The following CHN2 variants were observed in gnomAD, a reference collection of about 807,000 sequenced individuals.
The protein encoded by CHN2 is beta-chimaerin.
Under a neutral mutation model 56.3 loss-of-function variants are expected in CHN2, and 35 were observed. The observed-to-expected ratio is 0.62, with a 90% confidence interval of 0.47 to 0.82. CHN2 has a LOEUF of 0.82. Ranked by LOEUF, CHN2 falls within the 40% of genes least tolerant of loss-of-function variation. The pLI is 0.00. For synonymous variants in CHN2, 210 were observed against 212.8 expected (o/e 0.99, Z 0.12); for missense variants, 491 against 580.5 (o/e 0.85, Z 1.58).
At chr7:29,383,899 G>A (rs60275569) in intron 3 of CHN2, among the ~76,000 whole-genome samples, 9,891 of 152,270 alleles carry the variant, frequency 0.065, 770 homozygotes, top group African/African-American at 0.18. Flanking sequence ...GACCAGTAAA[G>A]AGACTACTTT....
At position 29,252,579 on chromosome 7, in the gene CHN2, T is replaced by TTTTTTTTTTTTGTTTTG. The variant is rs1788674732; in HGVS notation, c.49+57600_49+57601insGTTTTGTTTTTTTTTTT. Among the ~76,000 whole-genome samples, 15 of 10,288 alleles carry TTTTTTTTTTTTGTTTTG rather than the reference T, an allele frequency of 1.5e-3. 1 individual carries two copies. In the African/African-American group the frequency reaches 0.021, roughly 15 times the overall value. 6.7% of individuals were successfully genotyped at this position (10,288 alleles called of 152,430 possible). A position where few individuals can be genotyped will look rare whatever the true frequency, so the allele number is the denominator to read the frequency against. On this transcript the variant is annotated intron_variant, in intron 1 of 12. Transcript: ENST00000222792. ...TGTTTGTCTAAAATTGCATTCTTTG[T>TTTTTTTTTTTTGTTTTG]TTTTTTTTTTTTTTTTTTTTTTTTT...
chr7:29,503,659 C>T (rs1047118507), intron 9 of CHN2, among the ~76,000 whole-genome samples: 3 of 152,104 alleles, frequency 2.0e-5, no homozygotes, highest in African/African-American at 4.8e-5. Flanking sequence ...ATTTACGCCA[C>T]GTATTTGTTG....
chr7:29,349,682 A>AT (rs1191610101), intron 1 of CHN2, among the ~76,000 whole-genome samples: 2 of 152,200 alleles, frequency 1.3e-5, no homozygotes, highest in African/African-American at 4.8e-5. Context: ...AGGTTGACGC[A>AT]TTTTTTAAAG....
intron 1 of CHN2, among the ~76,000 whole-genome samples, chr7:29,338,164 G>A (rs1256025686): frequency 6.6e-6 from 1 of 152,152 alleles, no homozygotes; most frequent in African/African-American, 2.4e-5. Context: ...ATAAAATATG[G>A]TAGGTCAGTC....
Position 29,292,708 on chromosome 7 carries a change from A to G in CHN2, c.50-61917A>G, listed in dbSNP as rs116854903. 324 of 330,094 alleles carry G rather than the reference A, an allele frequency of 9.8e-4. 1 individual carries two copies. Among genetic ancestry groups the G allele is most frequent in the Admixed American group, 2.0e-3 (50 of 25,192 alleles). The allele number at this position is 330,094 out of a possible 1,614,324, so 20.4% of individuals were successfully genotyped here. On this transcript the variant is annotated intron_variant, in intron 1 of 12. Coordinates refer to ENST00000222792, the MANE Select transcript of CHN2 (RefSeq NM_004067.4). ...TATTGATTTTTGTTTCAATGCTGTA[A>G]TAACATCTCTTGGTTTTGTTGTATT...
At chr7:29,209,814 A>G (rs191445735) in intron 1 of CHN2, among the ~76,000 whole-genome samples, 29 of 152,324 alleles carry the variant, frequency 1.9e-4, no homozygotes, top group Non-Finnish European at 3.2e-4. Context: ...AGTGGAATAA[A>G]TGTATTGGTG....
At chr7:29,219,296 A>G (rs374837218) in intron 1 of CHN2, among the ~76,000 whole-genome samples, 1 of 152,374 alleles carries the variant, frequency 6.6e-6, no homozygotes, top group East Asian at 1.9e-4. Context: ...AAATAAGTCA[A>G]AGGTGTATTT....
chr7:29,458,201 G>C (rs1784904167), intron 6 of CHN2, among the ~76,000 whole-genome samples: 1 of 152,134 alleles, frequency 6.6e-6, no homozygotes, highest in African/African-American at 2.4e-5. Context: ...TGTGGTTAGG[G>C]AGATATGTTG....
intron 6 of CHN2, among the ~76,000 whole-genome samples, chr7:29,418,961 T>C (rs1463133892): frequency 6.6e-6 from 1 of 152,138 alleles, no homozygotes. Context: ...ATAAGAGGGA[T>C]TCTGATGAAC....
intron 1 of CHN2, among the ~76,000 whole-genome samples, chr7:29,273,002 A>G (rs555024572): frequency 6.6e-6 from 1 of 152,220 alleles, no homozygotes; most frequent in East Asian, 1.9e-4. Context: ...TCCCTAATAT[A>G]ATACAATTTT....
intron 2 of CHN2, among the ~76,000 whole-genome samples, chr7:29,187,062 A>G (rs1432533372): frequency 6.6e-6 from 1 of 152,210 alleles, no homozygotes; most frequent in African/African-American, 2.4e-5. Context: ...ATCCTGGCAC[A>G]TAGGAAATGA....
At chr7:29,507,160 T>TTTCCTTTC in intron 10 of CHN2, 68 bp from the exon 11 acceptor site, 2 of 1,439,834 alleles carry the variant, frequency 1.4e-6, no homozygotes, top group South Asian at 1.4e-5. Context: ...TTTTTTTTTT[T>TTTCCTTTC]TCCTTTCTGT....
chr7:29,268,282 G>GC (rs1262235144), intron 1 of CHN2, among the ~76,000 whole-genome samples: 2 of 24,752 alleles, frequency 8.1e-5, no homozygotes, highest in East Asian at 0.014. Flanking sequence ...GGCTTCACCA[G>GC]AACACACACA....
chr7:29,413,316 C>T (rs781066142), intron 6 of CHN2, among the ~76,000 whole-genome samples: 3 of 152,212 alleles, frequency 2.0e-5, no homozygotes, highest in Non-Finnish European at 4.4e-5. Flanking sequence ...TTGCAAGAGA[C>T]ACTTTAATAC....
At chr7:29,439,180 T>C (rs548066869) in intron 6 of CHN2, among the ~76,000 whole-genome samples, 1 of 152,298 alleles carries the variant, frequency 6.6e-6, no homozygotes, top group African/African-American at 2.4e-5. Flanking sequence ...AACTAAACAG[T>C]CTTGTGTCAT....
intron 6 of CHN2, among the ~76,000 whole-genome samples, chr7:29,425,346 G>A (rs1374224903): frequency 6.6e-5 from 10 of 152,328 alleles, no homozygotes; most frequent in East Asian, 1.9e-4. Context: ...GCTGAGTCCC[G>A]GAGGGAGGAG....
chr7:29,479,961 C>T lies in CHN2; in HGVS notation c.577-318C>T, dbSNP rs201582391. On this transcript the variant is annotated intron_variant, in intron 6 of 12. Coordinates refer to ENST00000222792, the MANE Select transcript of CHN2 (RefSeq NM_004067.4). Reference sequence around the variant, plus strand: ...GGCCCCCTCCATCACTCAAACTGGGCCTTTCAGGTCACATGCCGGAGGCTG... The same window carrying T: ...GGCCCCCTCCATCACTCAAACTGGGTCTTTCAGGTCACATGCCGGAGGCTG... 4.1e-6 allele frequency: 6 copies of T among 1,452,320 alleles called. No homozygotes were observed. In the East Asian group the frequency reaches 1.5e-4, roughly 36 times the overall value. 90.0% of individuals were successfully genotyped at this position (1,452,320 alleles called of 1,614,324 possible).
intron 1 of CHN2, among the ~76,000 whole-genome samples, chr7:29,229,085 A>C (rs1357037102): frequency 6.6e-6 from 1 of 152,160 alleles, no homozygotes; most frequent in African/African-American, 2.4e-5. Flanking sequence ...TGGACTGACC[A>C]GCTCCTCCCC....
At chr7:29,174,022 G>A (rs1216481992) in intron 2 of CHN2, among the ~76,000 whole-genome samples, 1 of 152,026 alleles carries the variant, frequency 6.6e-6, no homozygotes, top group East Asian at 1.9e-4. Flanking sequence ...TAATTGAGAG[G>A]CCCAGACACA....
Sources: gnomAD v4.1 joint callset for allele counts (sites outside exome capture counted in the v4.1 genomes callset) on GRCh38, gnomAD v4.1.1 for gene constraint, MANE v1.5 for transcripts, NCBI Gene and HGNC (gene_info 2026-07-23, HGNC 2026-07-21) for gene names.